The following XRRA1 variants were observed in gnomAD, a reference collection of about 807,000 sequenced individuals.
XRRA1 encodes the protein X-ray radiation resistance-associated protein 1.
In XRRA1, 69 loss-of-function variants were observed where a neutral mutation model predicts 80.2. The ratio of observed to expected loss-of-function variants is 0.86; its 90% CI spans 0.71 to 1.05. The LOEUF (loss-of-function observed/expected upper bound fraction) is 1.05, where lower values mean the gene tolerates loss of function less well. XRRA1 is among the 50% of genes least tolerant of loss of function. The pLI is 0.00. For missense variants in XRRA1, 967 were observed against 976.4 expected (o/e 0.99, Z 0.13); for synonymous variants, 348 against 389.9 (o/e 0.89, Z 1.27).
At chr11:74,891,579 A>G (rs1057492354) in intron 10 of XRRA1, among the ~76,000 whole-genome samples, 2 of 152,186 alleles carry the variant, frequency 1.3e-5, no homozygotes, top group African/African-American at 4.8e-5. Flanking sequence ...GAAGGAAATA[A>G]AGGGTATTCA....
chr11:74,883,372 G>A (rs1040997325), intron 10 of XRRA1, among the ~76,000 whole-genome samples: 30 of 152,210 alleles, frequency 2.0e-4, no homozygotes, highest in Admixed American at 9.2e-4. Context: ...GCCTTGGCTC[G>A]CACACGGTGT....
intron 8 of XRRA1, among the ~76,000 whole-genome samples, chr11:74,914,443 A>G (rs1264341320): frequency 6.6e-6 from 1 of 152,244 alleles, no homozygotes; most frequent in Non-Finnish European, 1.5e-5. Context: ...CATTGGGCAT[A>G]TGACTCAGCA....
chr11:74,847,804 AGG>A (rs1456494374), intron 15 of XRRA1, among the ~76,000 whole-genome samples: 3 of 152,178 alleles, frequency 2.0e-5, no homozygotes, highest in African/African-American at 7.2e-5. Context: ...TGAAGCAGAG[AGG>A]TACAGGCAGC....
intron 8 of XRRA1, among the ~76,000 whole-genome samples, chr11:74,916,043 T>A (rs915538022): frequency 2.6e-5 from 4 of 152,086 alleles, no homozygotes; most frequent in African/African-American, 9.7e-5. Context: ...CTGCTGATAA[T>A]CTTATTGAAG....
intron 10 of XRRA1, among the ~76,000 whole-genome samples, chr11:74,900,372 C>T (rs982792025): frequency 6.6e-5 from 10 of 151,818 alleles, no homozygotes; most frequent in South Asian, 2.1e-4. Context: ...CACCTGAGGT[C>T]GGGAGTTCAA....
Position 74,843,836 on chromosome 11 carries a change from G to T in XRRA1, c.2149+18C>A. 6.3e-7 allele frequency: 1 copy of T among 1,592,030 alleles called. No individual in the cohort carries two copies. The highest frequency in any genetic ancestry group is 8.6e-7 in the Non-Finnish European group (1 of 1,167,002). ...GTGAACTGGATCTGGGATCCTGGCAGCTGTGGCAGAGCCGTACCTAGTGGA... is the reference window on the plus strand; with the variant it reads ...GTGAACTGGATCTGGGATCCTGGCATCTGTGGCAGAGCCGTACCTAGTGGA... On this transcript the variant is annotated intron_variant, in intron 18 of 18. Transcript: ENST00000684022.
chr11:74,854,857 A>G (rs1046862189), intron 12 of XRRA1, among the ~76,000 whole-genome samples: 1 of 150,010 alleles, frequency 6.7e-6, no homozygotes, highest in Non-Finnish European at 1.5e-5. Flanking sequence ...GTCTCTACTA[A>G]AAAAAAAATA....
rs758662323 is a variant in XRRA1, at chr11:74,941,242, TATAATACCTACCTTAAAAGACAAG to T, written c.-4-384_-4-361del. ...GTTTCCTCACCTGCAAAATGGGGGTTATAATACCTACCTTAAAAGACAAGAGGATCAAGTGAGAAAGACAGTGCC... is the reference window on the plus strand; with the variant it reads ...GTTTCCTCACCTGCAAAATGGGGGTTAGGATCAAGTGAGAAAGACAGTGCC... On this transcript the variant is annotated intron_variant, in intron 2 of 18. Coordinates refer to ENST00000684022, the MANE Select transcript of XRRA1 (RefSeq NM_001378157.1). Among the ~76,000 whole-genome samples, 133 of 152,294 alleles carry T rather than the reference TATAATACCTACCTTAAAAGACAAG, an allele frequency of 8.7e-4. 1 individual carries two copies. Among genetic ancestry groups the T allele is most frequent in the Non-Finnish European group, 1.6e-3 (111 of 68,022 alleles).
chr11:74,936,417 G>T (rs2139725040), intron 4 of XRRA1, among the ~76,000 whole-genome samples: 1 of 152,372 alleles, frequency 6.6e-6, no homozygotes, highest in African/African-American at 2.4e-5. Flanking sequence ...AGCACAGCAG[G>T]AATCTCTCAA....
chr11:74,856,855 T>C (rs1262070895), intron 12 of XRRA1, among the ~76,000 whole-genome samples: 1 of 152,110 alleles, frequency 6.6e-6, no homozygotes, highest in Non-Finnish European at 1.5e-5. Flanking sequence ...CCCTGTCAGC[T>C]TGGGGCACTG....
rs182562805 is a variant in XRRA1 at position 74,893,327 on chromosome 11, G to A, written c.1003+12912C>T. On this transcript the variant is annotated intron_variant, in intron 10 of 18. Transcript: ENST00000684022. Reference sequence around the variant, plus strand: ...AAGGACAGAAAACCAAACACTGCATGTTCTCACTCATAGGTGGGAATTGAA... The same window carrying A: ...AAGGACAGAAAACCAAACACTGCATATTCTCACTCATAGGTGGGAATTGAA... Among the ~76,000 whole-genome samples the A allele has an allele frequency of 4.8e-3, 691 of 143,490 alleles. 7 individuals are homozygous for A. The highest frequency in any genetic ancestry group is 0.018 in the African/African-American group (670 of 37,546). 94.1% of individuals were successfully genotyped at this position (143,490 alleles called of 152,430 possible). A position where few individuals can be genotyped will look rare whatever the true frequency, so the allele number is the denominator to read the frequency against.
At chr11:74,939,359 G>A (rs543755392) in intron 3 of XRRA1, among the ~76,000 whole-genome samples, 12 of 152,024 alleles carry the variant, frequency 7.9e-5, no homozygotes, top group Middle Eastern at 3.2e-3. Context: ...CTCAAAAAAA[G>A]AAAAGAAAGA....
At chr11:74,939,430 A>G (rs1945831715) in intron 3 of XRRA1, among the ~76,000 whole-genome samples, 1 of 152,196 alleles carries the variant, frequency 6.6e-6, no homozygotes, top group Non-Finnish European at 1.5e-5. Flanking sequence ...AGACTCATTT[A>G]TTATTCCATG....
chr11:74,868,136 C>G (rs978450441), intron 10 of XRRA1, among the ~76,000 whole-genome samples: 8 of 152,130 alleles, frequency 5.3e-5, no homozygotes, highest in Admixed American at 2.6e-4. Flanking sequence ...CCAGTCTGCT[C>G]TTGAACTTCT....
chr11:74,875,850 AAC>A (rs2045925397), intron 10 of XRRA1, among the ~76,000 whole-genome samples: 1 of 152,198 alleles, frequency 6.6e-6, no homozygotes, highest in Non-Finnish European at 1.5e-5. Context: ...AAGCCTGAGC[AAC>A]AGAGTGAAAC....
Position 74,907,136 on chromosome 11 carries a change from T to C in XRRA1, c.785+9A>G. On this transcript the variant is annotated intron_variant, in intron 9 of 18. Coordinates refer to ENST00000684022, the MANE Select transcript of XRRA1 (RefSeq NM_001378157.1). ...AGGAGGCCCAGCAGAGAAAGGCTTA[T>C]GGCTTTACCTCCTGAGCCCAGCCAG... The C allele has an allele frequency of 1.2e-6, 2 of 1,613,364 alleles. No individual in the cohort carries two copies. The highest frequency in any genetic ancestry group is 1.7e-6 in the Non-Finnish European group (2 of 1,179,842).
At chr11:74,854,377 G>A (rs1565236704) in intron 12 of XRRA1, among the ~76,000 whole-genome samples, 1 of 152,104 alleles carries the variant, frequency 6.6e-6, no homozygotes, top group Admixed American at 6.5e-5. Flanking sequence ...CTAGACCAGG[G>A]GATCAGCAAA....
chr11:74,882,095 C>T (rs1179701621), intron 10 of XRRA1, among the ~76,000 whole-genome samples: 3 of 151,680 alleles, frequency 2.0e-5, no homozygotes, highest in Admixed American at 6.6e-5. Context: ...TAATATCCTG[C>T]AGAGTGTTTT....
intron 14 of XRRA1, 130 bp downstream of exon 14, chr11:74,850,958 G>A: frequency 1.8e-6 from 1 of 560,900 alleles, no homozygotes; most frequent in Non-Finnish European, 3.1e-6. Context: ...GAAAGGAGAA[G>A]GCAATGCTGA....
Sources: gnomAD v4.1 joint callset for allele counts (sites outside exome capture counted in the v4.1 genomes callset) on GRCh38, gnomAD v4.1.1 for gene constraint, MANE v1.5 for transcripts, NCBI Gene and HGNC (gene_info 2026-07-23, HGNC 2026-07-21) for gene names.